Variants in OPHN1 observed in about 807,000 individuals in gnomAD.
OPHN1 encodes oligophrenin 1, also known as oligophrenin-1.
OPHN1 carries 11 observed loss-of-function variants against 60.7 expected under a neutral mutation model. The ratio of observed to expected loss-of-function variants is 0.18; its 90% CI spans 0.11 to 0.30. The LOEUF is 0.30. Ranked by LOEUF, OPHN1 falls within the 10% of genes least tolerant of loss-of-function variation. The pLI is 1.00. For synonymous variants in OPHN1, 226 were observed against 222.6 expected (o/e 1.02, Z -0.14); for missense variants, 449 against 611.0 (o/e 0.73, Z 2.80).
intron 10 of OPHN1, 144 bp from the exon 11 acceptor site, chrX:68,201,854 C>T: frequency 2.0e-6 from 1 of 511,254 alleles, no homozygotes. Context: ...GAATCTTGTC[C>T]CTTCAAACAG....
chrX:68,351,282 T>C (rs1481890649), intron 2 of OPHN1, among the ~76,000 whole-genome samples: 2 of 111,082 alleles, frequency 1.8e-5, no homozygotes, highest in African/African-American at 3.3e-5. Flanking sequence ...CACCTGAAAA[T>C]GTCAGGGGAG....
At chrX:68,061,170 G>A (rs758751893) in intron 21 of OPHN1, among the ~76,000 whole-genome samples, 1 of 112,169 alleles carries the variant, frequency 8.9e-6, no homozygotes, top group African/African-American at 3.2e-5. Flanking sequence ...CTGATTGAAA[G>A]CAGAAAATGA....
chrX:68,388,566 TTGAG>T (rs1314454108), intron 2 of OPHN1, among the ~76,000 whole-genome samples: 2 of 111,209 alleles, frequency 1.8e-5, no homozygotes, highest in African/African-American at 6.5e-5. Flanking sequence ...CAGCTATTTA[TTGAG>T]TGTCTGATCA....
intron 5 of OPHN1, among the ~76,000 whole-genome samples, chrX:68,251,008 G>A (rs964415268): frequency 6.2e-4 from 68 of 109,987 alleles, no homozygotes; most frequent in African/African-American, 2.1e-3. Flanking sequence ...TACTCTGCCT[G>A]AACTTCAGTT....
intron 2 of OPHN1, among the ~76,000 whole-genome samples, chrX:68,425,733 G>A (rs2078850932): frequency 2.0e-5 from 2 of 97,801 alleles, no homozygotes; most frequent in Admixed American, 1.1e-4. Context: ...TCAATTTTAT[G>A]TACATTTAGA....
At chrX:68,274,606 T>C in intron 5 of OPHN1, 132 bp downstream of exon 5, 2 of 450,824 alleles carry the variant, frequency 4.4e-6, no homozygotes, top group Admixed American at 3.0e-5. Context: ...TTTTGCACAG[T>C]TTAGGAGGCT....
chrX:68,162,683 G>A (rs973229691), intron 15 of OPHN1, among the ~76,000 whole-genome samples: 3 of 110,768 alleles, frequency 2.7e-5, no homozygotes, highest in Non-Finnish European at 3.8e-5. Flanking sequence ...AAATTCACAT[G>A]TCATTATATG....
intron 2 of OPHN1, among the ~76,000 whole-genome samples, chrX:68,375,882 C>T (rs1393535292): frequency 2.7e-5 from 3 of 110,845 alleles, no homozygotes; most frequent in South Asian, 3.9e-4. Flanking sequence ...AGAGATGAAA[C>T]GACTTATTTC....
At position 68,119,312 on chromosome X, in the gene OPHN1, C is replaced by T. The variant is rs760367156; in HGVS notation, c.1297G>A (p.Val433Ile). The T allele has an allele frequency of 8.4e-7, 1 of 1,196,957 alleles. No homozygotes were observed. The highest frequency in any genetic ancestry group is 1.8e-5 in the South Asian group (1 of 56,612). ...TCCCAGTCACTATTATGAAAATCAACATCTCCTGGGCATTTAGGATCTATT... is the reference window on the plus strand; with the variant it reads ...TCCCAGTCACTATTATGAAAATCAATATCTCCTGGGCATTTAGGATCTATT... ...AFFDPKCPGD[V>I]DFHNSDWDIK... The change falls in exon 16 of 25, where the codon GTT becomes ATT. Residue 433 changes from valine (V) to isoleucine (I), a missense_variant. Physicochemically the swap from Val to Ile is conservative, Grantham distance 29. Around this residue, in one of 4 missense-constraint regions of OPHN1, gnomAD observed 166 missense variants for 278.4 expected, o/e 0.60. Coordinates refer to ENST00000355520, the MANE Select transcript of OPHN1 (RefSeq NM_002547.3).
Position 68,201,654 on chromosome X carries a change from G to A in OPHN1, c.990C>T (p.Asp330=), listed in dbSNP as rs2077535706. 8.3e-7 allele frequency: 1 copy of A among 1,210,733 alleles called. No individual in the cohort carries two copies. The highest frequency in any genetic ancestry group is 1.1e-6 in the Non-Finnish European group (1 of 894,640). The change falls in exon 11 of 25, where the codon GAC becomes GAT. Residue 330 remains aspartate, a synonymous_variant. Coordinates refer to ENST00000355520, the MANE Select transcript of OPHN1 (RefSeq NM_002547.3). ...TTTCTATGTCAAAACAGAACCTCTTGTCGATAGACTCCGTCTTCCTTCTCA... is the reference window on the plus strand; with the variant it reads ...TTTCTATGTCAAAACAGAACCTCTTATCGATAGACTCCGTCTTCCTTCTCA... ...YCVRRKTESI[D]KRFCFDIETN... is the part of the protein sequence containing the mutation.
chrX:68,360,592 C>G (rs1323946972), intron 2 of OPHN1, among the ~76,000 whole-genome samples: 2 of 110,734 alleles, frequency 1.8e-5, no homozygotes, highest in African/African-American at 6.6e-5. Flanking sequence ...GAGTTCAAGA[C>G]CAGCATGGGT....
intron 19 of OPHN1, among the ~76,000 whole-genome samples, chrX:68,077,670 A>G (rs936119408): frequency 8.9e-6 from 1 of 112,393 alleles, no homozygotes; most frequent in Admixed American, 9.4e-5. Flanking sequence ...CATACACATT[A>G]AATTGTTAAC....
intron 3 of OPHN1, among the ~76,000 whole-genome samples, chrX:68,287,779 A>G (rs1403669792): frequency 8.9e-6 from 1 of 112,254 alleles, no homozygotes; most frequent in East Asian, 2.8e-4. Context: ...TTTATTTAAT[A>G]AACATGCACT....
intron 2 of OPHN1, among the ~76,000 whole-genome samples, chrX:68,325,001 T>C (rs1391692083): frequency 1.8e-5 from 2 of 111,777 alleles, no homozygotes; most frequent in African/African-American, 6.5e-5. Context: ...CAGTGAGCTA[T>C]GATCATGCCA....
At chrX:68,093,598 A>G (rs2077026717) in intron 19 of OPHN1, among the ~76,000 whole-genome samples, 1 of 111,282 alleles carries the variant, frequency 9.0e-6, no homozygotes, top group Non-Finnish European at 1.9e-5. Context: ...TTGCCACTAT[A>G]TATTTTTTTA....
At chrX:68,225,280 A>C (rs2077684985) in intron 6 of OPHN1, among the ~76,000 whole-genome samples, 1 of 111,540 alleles carries the variant, frequency 9.0e-6, no homozygotes, top group Non-Finnish European at 1.9e-5. Flanking sequence ...GCCTCTGTAG[A>C]CTCCACCTCT....
chrX:68,077,287 T>C (rs2076957124), intron 19 of OPHN1, among the ~76,000 whole-genome samples: 1 of 111,265 alleles, frequency 9.0e-6, no homozygotes, highest in African/African-American at 3.3e-5. Flanking sequence ...AATCTGGTAG[T>C]AGCAATCATG....
At chrX:68,155,302 T>C (rs1236972887) in intron 15 of OPHN1, among the ~76,000 whole-genome samples, 1 of 111,770 alleles carries the variant, frequency 8.9e-6, no homozygotes, top group Non-Finnish European at 1.9e-5. Flanking sequence ...GATAGTAACC[T>C]GTATACTCAA....
At chrX:68,378,890 T>G (rs1389899984) in intron 2 of OPHN1, among the ~76,000 whole-genome samples, 18 of 111,734 alleles carry the variant, frequency 1.6e-4, no homozygotes, top group South Asian at 1.1e-3. Flanking sequence ...TTGTTCTTTT[T>G]GCTTAGGATT....
Sources: allele counts gnomAD v4.1 joint callset (sites outside exome capture counted in the v4.1 genomes callset), GRCh38; gene constraint gnomAD v4.1.1; regional missense constraint gnomAD v4.1.1; transcripts MANE v1.5; gene names NCBI Gene and HGNC (gene_info 2026-07-23, HGNC 2026-07-21).